PIAS2: variants seen among roughly 807,000 people sequenced by gnomAD.
PIAS2 encodes the protein protein inhibitor of activated STAT 2.
Under a neutral mutation model 69.7 loss-of-function variants are expected in PIAS2, and 19 were observed. That is an observed-to-expected ratio of 0.27 (90% CI 0.19 to 0.40). PIAS2 has a LOEUF of 0.40. Among genes scored for constraint, PIAS2 ranks in the 10% least tolerant of loss-of-function variants. PIAS2 has a pLI of 1.00. For missense variants in PIAS2, 624 were observed against 757.0 expected, an observed-to-expected ratio of 0.82 and a Z score of 2.06; for synonymous variants, 261 against 263.2, an observed-to-expected ratio of 0.99 and a Z score of 0.08.
At position 46,917,454 on chromosome 18, in the gene PIAS2, T is replaced by G; in HGVS notation, c.-109A>C. 1 of 1,231,004 alleles carries G rather than the reference T, an allele frequency of 8.1e-7. No homozygotes were observed. Among genetic ancestry groups the G allele is most frequent in the East Asian group, 3.5e-5 (1 of 28,318 alleles). 76.3% of individuals were successfully genotyped at this position (1,231,004 alleles called of 1,614,324 possible). On this transcript the variant is annotated 5_prime_UTR_variant, in exon 1 of 14. Coordinates refer to ENST00000585916, the MANE Select transcript of PIAS2 (RefSeq NM_004671.5). ...CGCCGCCTCCAGCACCATCCTGCAC[T>G]GGGCGCCGCTTAAGACGCCGCGGCC...
At chr18:46,813,326 A>C (rs140228777) in intron 13 of PIAS2, among the ~76,000 whole-genome samples, 255 of 152,306 alleles carry the variant, frequency 1.7e-3, no homozygotes, top group Non-Finnish European at 3.1e-3. Context: ...ATATTTCACA[A>C]GTCCCCTTAC....
At chr18:46,890,366 T>G (rs1448829566) in intron 2 of PIAS2, among the ~76,000 whole-genome samples, 1 of 152,208 alleles carries the variant, frequency 6.6e-6, no homozygotes, top group African/African-American at 2.4e-5. Context: ...TATTTTACAA[T>G]AAAAGAATTG....
intron 3 of PIAS2, among the ~76,000 whole-genome samples, chr18:46,863,099 G>A (rs1388804350): frequency 6.6e-6 from 1 of 151,928 alleles, no homozygotes; most frequent in East Asian, 1.9e-4. Flanking sequence ...TTACAAATGG[G>A]TCTACCAATA....
intron 1 of PIAS2, among the ~76,000 whole-genome samples, chr18:46,905,310 T>C (rs1430435714): frequency 6.6e-6 from 1 of 151,832 alleles, no homozygotes; most frequent in Non-Finnish European, 1.5e-5. Context: ...AATAGAAAAA[T>C]ACAAGTAAAA....
intron 1 of PIAS2, among the ~76,000 whole-genome samples, chr18:46,908,945 G>C (rs947048666): frequency 6.6e-6 from 1 of 152,002 alleles, no homozygotes; most frequent in Non-Finnish European, 1.5e-5. Context: ...GGGGGTGGAG[G>C]GTGCAGTAAA....
chr18:46,916,785 T>C, intron 1 of PIAS2: 1 of 980,550 alleles, frequency 1.0e-6, no homozygotes, highest in Non-Finnish European at 1.2e-6. Context: ...CTCGAAGATG[T>C]TAGGAGGCAA....
chr18:46,824,565 G>C lies in PIAS2; in HGVS notation c.1508+3394C>G, dbSNP rs574689033. On this transcript the variant is annotated intron_variant, in intron 11 of 13. Coordinates refer to ENST00000585916, the MANE Select transcript of PIAS2 (RefSeq NM_004671.5). Reference sequence around the variant, plus strand: ...AGACTGCATTTAAAGACTCCGGTTCGTAAGCAAAGAAAGGGAATAGGACTG... The same window carrying C: ...AGACTGCATTTAAAGACTCCGGTTCCTAAGCAAAGAAAGGGAATAGGACTG... Among the ~76,000 whole-genome samples, 5 of 152,190 alleles carry C rather than the reference G, an allele frequency of 3.3e-5. No homozygotes were observed. The East Asian group carries it at 9.7e-4, about 29-fold the overall frequency.
chr18:46,813,998 A>G (rs908288161), intron 13 of PIAS2, among the ~76,000 whole-genome samples: 1 of 152,192 alleles, frequency 6.6e-6, no homozygotes, highest in African/African-American at 2.4e-5. Context: ...CCAGAAACTT[A>G]CATTTTATTC....
intron 2 of PIAS2, among the ~76,000 whole-genome samples, chr18:46,870,289 C>T (rs538682953): frequency 4.6e-5 from 6 of 129,736 alleles, no homozygotes; most frequent in African/African-American, 1.8e-4. Context: ...GTAAATGCTC[C>T]CCCTTCACTA....
intron 5 of PIAS2, among the ~76,000 whole-genome samples, chr18:46,849,355 C>T (rs2046626601): frequency 6.6e-6 from 1 of 152,204 alleles, no homozygotes; most frequent in Non-Finnish European, 1.5e-5. Context: ...ACCCAACCAT[C>T]AATTTCCTGG....
intron 1 of PIAS2, among the ~76,000 whole-genome samples, chr18:46,911,631 A>G (rs1369287049): frequency 2.0e-5 from 3 of 152,240 alleles, no homozygotes; most frequent in Non-Finnish European, 4.4e-5. Flanking sequence ...TACATATTTA[A>G]AAGAGTGGCT....
chr18:46,895,527 CG>C (rs2054714979), intron 1 of PIAS2, among the ~76,000 whole-genome samples: 1 of 151,964 alleles, frequency 6.6e-6, no homozygotes, highest in Non-Finnish European at 1.5e-5. Context: ...AAAAATTAGC[CG>C]GGTGTGGTGT....
At chr18:46,835,510 T>G (rs1259625190) in intron 9 of PIAS2, among the ~76,000 whole-genome samples, 2 of 152,312 alleles carry the variant, frequency 1.3e-5, no homozygotes, top group South Asian at 2.1e-4. Context: ...CAAGCTCACC[T>G]TGAATTCCTG....
chr18:46,867,087 G>A (rs552861507), intron 2 of PIAS2, among the ~76,000 whole-genome samples: 60 of 151,638 alleles, frequency 4.0e-4, no homozygotes, highest in Non-Finnish European at 6.6e-4. Flanking sequence ...TTGCACATAC[G>A]CAATATATAT....
At chr18:46,839,414 T>A (rs1006329545) in intron 8 of PIAS2, among the ~76,000 whole-genome samples, 2 of 152,212 alleles carry the variant, frequency 1.3e-5, no homozygotes, top group Non-Finnish European at 2.9e-5. Context: ...ACAGACCTTG[T>A]GAATTTAAAA....
chr18:46,837,645 C>T (rs1286474342), intron 8 of PIAS2, among the ~76,000 whole-genome samples: 3 of 152,054 alleles, frequency 2.0e-5, no homozygotes, highest in African/African-American at 7.2e-5. Context: ...TTTCAACATA[C>T]TTTTGATTAA....
In PIAS2 at chr18:46,844,803, T is replaced by C; in HGVS notation, c.898A>G (p.Thr300Ala). 6.7e-7 allele frequency: 1 copy of C among 1,483,912 alleles called. No homozygotes were observed. Among genetic ancestry groups the C allele is most frequent in the Non-Finnish European group, 8.9e-7 (1 of 1,117,714 alleles). The allele number at this position is 1,483,912 out of a possible 1,614,324, so 91.9% of individuals were successfully genotyped here. A position where few individuals can be genotyped will look rare whatever the true frequency, so the allele number is the denominator to read the frequency against. ...AATCTCTGTAATAACATGGCTGATG[T>C]AAGCTGCCGTACAAGATATACAGAC... is the stretch of plus-strand genomic sequence containing the variant. ...SMSVYLVRQL[T>A]SAMLLQRLKM... is the part of the protein sequence containing the mutation. Residue 300 changes from threonine (T) to alanine (A), a missense_variant, in exon 7 of 14, where the codon ACA becomes GCA. By Grantham distance (58) the Thr-to-Ala change is moderately conservative (BLOSUM62 0). Coordinates refer to ENST00000585916, the MANE Select transcript of PIAS2 (RefSeq NM_004671.5).
At chr18:46,816,955 C>A in intron 12 of PIAS2, 1 of 932,614 alleles carries the variant, frequency 1.1e-6, no homozygotes, top group Non-Finnish European at 1.3e-6. Flanking sequence ...CCTCTCCCTT[C>A]TTATGCCAAA....
intron 2 of PIAS2, among the ~76,000 whole-genome samples, chr18:46,867,776 T>C (rs1398979799): frequency 6.6e-6 from 1 of 152,216 alleles, no homozygotes; most frequent in Non-Finnish European, 1.5e-5. Flanking sequence ...AGTGGGGTCT[T>C]TATCAACCTC....
Sources: gnomAD v4.1 joint callset for allele counts (sites outside exome capture counted in the v4.1 genomes callset) on GRCh38, gnomAD v4.1.1 for gene constraint, MANE v1.5 for transcripts, NCBI Gene and HGNC (gene_info 2026-07-23, HGNC 2026-07-21) for gene names.